MTMR8: variants seen among roughly 807,000 people sequenced by gnomAD.
MTMR8 encodes myotubularin related protein 8, also known as phosphatidylinositol-3,5-bisphosphate 3-phosphatase MTMR8.
MTMR8 carries 65 observed loss-of-function variants against 39.3 expected under a neutral mutation model. That is an observed-to-expected ratio of 1.65 (90% CI 1.35 to 2.03). The LOEUF (loss-of-function observed/expected upper bound fraction) is 2.03, where lower values mean the gene tolerates loss of function less well. Ranked by LOEUF, MTMR8 falls within the 30% of genes most tolerant of loss-of-function variation. The pLI, the probability that MTMR8 is intolerant of heterozygous loss-of-function variation, is 0.00. For synonymous variants in MTMR8, 245 were observed against 185.2 expected (o/e 1.32, Z -2.62); for missense variants, 777 against 538.9 (o/e 1.44, Z -4.37).
At chrX:64,391,652 TGG>T (rs1924693199) in intron 1 of MTMR8, among the ~76,000 whole-genome samples, 1 of 112,397 alleles carries the variant, frequency 8.9e-6, no homozygotes, top group Non-Finnish European at 1.9e-5. Context: ...TGATAGTGAC[TGG>T]TAGCTAAATT....
intron 12 of MTMR8, among the ~76,000 whole-genome samples, chrX:64,278,985 T>C (rs1931946003): frequency 1.8e-5 from 2 of 111,381 alleles, no homozygotes; most frequent in African/African-American, 6.6e-5. Context: ...GCCAGAGCTC[T>C]CCTGTATGAG....
chrX:64,278,345 G>T (rs1254852757), intron 12 of MTMR8, among the ~76,000 whole-genome samples: 8 of 108,154 alleles, frequency 7.4e-5, no homozygotes, highest in Non-Finnish European at 1.3e-4. Context: ...TTTTGCACTG[G>T]TTTTTCCTCA....
intron 1 of MTMR8, among the ~76,000 whole-genome samples, chrX:64,364,334 T>A (rs1196795684): frequency 1.8e-5 from 2 of 112,037 alleles, no homozygotes; most frequent in Non-Finnish European, 3.8e-5. Flanking sequence ...CACCTCCCAG[T>A]AGGGGCCGAA....
rs186529151 is a variant in MTMR8, at chrX:64,317,903, T to C, written c.1481+10869A>G. 4.1e-3 allele frequency among the ~76,000 whole-genome samples: 458 copies of C among 112,392 alleles called. 3 individuals carry two copies. Among genetic ancestry groups the C allele is most frequent in the Non-Finnish European group, 4.3e-3 (227 of 53,245 alleles). ...GAGTTGGGGAGGTGCCCCATAGTAC[T>C]ACTGGGTAGAAGTGGGGATTCAGGC... is the stretch of plus-strand genomic sequence containing the variant. On this transcript the variant is annotated intron_variant, in intron 12 of 13. Transcript: ENST00000374852.
intron 1 of MTMR8, among the ~76,000 whole-genome samples, chrX:64,379,789 T>A (rs1292509675): frequency 5.4e-5 from 6 of 111,706 alleles, no homozygotes; most frequent in African/African-American, 2.0e-4. Flanking sequence ...ACCATAAAAA[T>A]TAGTAAATTG....
At chrX:64,283,629 C>G (rs933279957) in intron 12 of MTMR8, among the ~76,000 whole-genome samples, 1 of 112,161 alleles carries the variant, frequency 8.9e-6, no homozygotes, top group Non-Finnish European at 1.9e-5. Flanking sequence ...GATGAAACCT[C>G]CAGAGGAACG....
At chrX:64,347,195 A>T (rs999364467) in intron 6 of MTMR8, among the ~76,000 whole-genome samples, 1 of 110,977 alleles carries the variant, frequency 9.0e-6, no homozygotes, top group Non-Finnish European at 1.9e-5. Context: ...AGATATTTCT[A>T]GGCCTGTCTT....
At chrX:64,317,909 G>A (rs1288011597) in intron 12 of MTMR8, among the ~76,000 whole-genome samples, 1 of 112,238 alleles carries the variant, frequency 8.9e-6, no homozygotes, top group East Asian at 2.8e-4. Context: ...GTACTACTGG[G>A]TAGAAGTGGG....
chrX:64,394,026 A>G (rs1212828172), intron 1 of MTMR8, among the ~76,000 whole-genome samples: 1 of 112,196 alleles, frequency 8.9e-6, no homozygotes, highest in Non-Finnish European at 1.9e-5. Flanking sequence ...AAAGAGGTTT[A>G]TTGGACTTAA....
intron 12 of MTMR8, among the ~76,000 whole-genome samples, chrX:64,314,246 T>A (rs1204058066): frequency 2.7e-4 from 30 of 112,813 alleles, no homozygotes; most frequent in Non-Finnish European, 5.6e-4. Flanking sequence ...GGATTCATCT[T>A]TGTTTGCATG....
At chrX:64,322,522 T>C (rs773696827) in intron 12 of MTMR8, among the ~76,000 whole-genome samples, 9 of 112,149 alleles carry the variant, frequency 8.0e-5, no homozygotes, top group Non-Finnish European at 1.1e-4. Flanking sequence ...AGTGAGGCCA[T>C]TAAGTCCTGG....
intron 10 of MTMR8, among the ~76,000 whole-genome samples, chrX:64,334,999 C>T (rs775238560): frequency 9.0e-6 from 1 of 111,628 alleles, no homozygotes; most frequent in East Asian, 2.8e-4. Flanking sequence ...ATGACTGGTC[C>T]AATGTTTGTG....
chrX:64,284,880 G>A (rs1022586848), intron 12 of MTMR8, among the ~76,000 whole-genome samples: 17 of 112,121 alleles, frequency 1.5e-4, no homozygotes, highest in Non-Finnish European at 2.6e-4. Flanking sequence ...AGGCTAAATC[G>A]TAAAGACCAT....
At position 64,297,945 on chromosome X, in the gene MTMR8, C is replaced by G. The variant is rs1247807146; in HGVS notation, c.1482-26872G>C. The stretch of plus-strand genomic sequence containing the variant: ...TGTTCTGTTCCATTGATCTATATCT[C>G]TGTTTTGGTACCAGTACCATGCTGT... On this transcript the variant is annotated intron_variant, in intron 12 of 13. Coordinates refer to ENST00000374852, the MANE Select transcript of MTMR8 (RefSeq NM_017677.4). Among the ~76,000 whole-genome samples, 41 of 94,567 alleles carry G rather than the reference C, an allele frequency of 4.3e-4. No individual in the cohort carries two copies. In the Admixed American group the frequency reaches 4.8e-3, roughly 11 times the overall value. 82.1% of individuals were successfully genotyped at this position (94,567 alleles called of 115,157 possible). A position where few individuals can be genotyped will look rare whatever the true frequency, so the allele number is the denominator to read the frequency against.
chrX:64,294,356 C>T (rs1019514684), intron 12 of MTMR8, among the ~76,000 whole-genome samples: 6 of 111,459 alleles, frequency 5.4e-5, no homozygotes, highest in Non-Finnish European at 7.5e-5. Context: ...ATATTTTTTC[C>T]CAGCCACCTA....
At chrX:64,339,887 G>C (rs934955858) in intron 8 of MTMR8, among the ~76,000 whole-genome samples, 1 of 111,386 alleles carries the variant, frequency 9.0e-6, no homozygotes, top group Middle Eastern at 4.6e-3. Flanking sequence ...AGAGAGGGGA[G>C]TTACCATGGT....
At chrX:64,326,039 A>G (rs1179093796) in intron 12 of MTMR8, among the ~76,000 whole-genome samples, 1 of 112,130 alleles carries the variant, frequency 8.9e-6, no homozygotes, top group East Asian at 2.8e-4. Context: ...CCTATTTTGT[A>G]TATTATATGT....
chrX:64,315,744 T>C (rs1266803361), intron 12 of MTMR8, among the ~76,000 whole-genome samples: 2 of 112,071 alleles, frequency 1.8e-5, no homozygotes, highest in Admixed American at 9.5e-5. Flanking sequence ...TAATTATATA[T>C]GTTAGAGCTT....
chrX:64,305,227 T>A (rs1922065184), intron 12 of MTMR8: 1 of 164,660 alleles, frequency 6.1e-6, no homozygotes, highest in Non-Finnish European at 1.2e-5. Flanking sequence ...TTCAATTTTC[T>A]CCAGTCCTCC....
Sources: allele counts gnomAD v4.1 joint callset (sites outside exome capture counted in the v4.1 genomes callset), GRCh38; gene constraint gnomAD v4.1.1; transcripts MANE v1.5; gene names NCBI Gene and HGNC (gene_info 2026-07-23, HGNC 2026-07-21).